The following REDIC1 variants were observed in gnomAD, a reference collection of about 807,000 sequenced individuals.
REDIC1 encodes the protein regulator of DNA class I crossover intermediates 1.
At chr12:39,856,930 A>G in the REDIC1 span, among the ~76,000 whole-genome samples, 3 of 152,186 alleles carry the variant, frequency 2.0e-5, no homozygotes, top group South Asian at 6.2e-4. Flanking sequence ...GGTCTTTATT[A>G]TAAGAAAATA....
the REDIC1 span, among the ~76,000 whole-genome samples, chr12:39,706,581 C>G: frequency 2.0e-5 from 3 of 151,874 alleles, no homozygotes; most frequent in East Asian, 1.9e-4. Flanking sequence ...GTAACCAAAA[C>G]AGCATGAGAA....
the REDIC1 span, among the ~76,000 whole-genome samples, chr12:39,880,997 G>A: frequency 6.6e-6 from 1 of 152,214 alleles, no homozygotes; most frequent in Admixed American, 6.5e-5. Flanking sequence ...TGAATTGTAT[G>A]TATAACAGGT....
chr12:39,646,587 A>G, the REDIC1 span: 1 of 876,680 alleles, frequency 1.1e-6, no homozygotes, highest in Non-Finnish European at 1.6e-6. Flanking sequence ...GGCTGTTAAC[A>G]GTATTATGCA....
chr12:39,669,934 T>C, the REDIC1 span, among the ~76,000 whole-genome samples: 1 of 152,166 alleles, frequency 6.6e-6, no homozygotes, highest in Non-Finnish European at 1.5e-5. Context: ...ACCCGATTTT[T>C]CAGGTGCCGT....
chr12:39,761,631 CAA>C, the REDIC1 span, among the ~76,000 whole-genome samples: 9 of 150,414 alleles, frequency 6.0e-5, no homozygotes, highest in Admixed American at 4.0e-4. Context: ...GGAATTTTGA[CAA>C]AAAAAAAATG....
At chr12:39,831,056 C>T in the REDIC1 span, among the ~76,000 whole-genome samples, 1 of 152,128 alleles carries the variant, frequency 6.6e-6, no homozygotes, top group African/African-American at 2.4e-5. Context: ...CCCTGTCACA[C>T]AATCATTTGC....
the REDIC1 span, among the ~76,000 whole-genome samples, chr12:39,734,629 A>G: frequency 1.3e-5 from 2 of 152,298 alleles, no homozygotes; most frequent in Admixed American, 1.3e-4. Context: ...CTCCAGCACT[A>G]TTTGTTGAAA....
the REDIC1 span, among the ~76,000 whole-genome samples, chr12:39,770,555 G>C: frequency 1.3e-5 from 2 of 152,282 alleles, no homozygotes; most frequent in Admixed American, 6.5e-5. Flanking sequence ...GCATGGTCCT[G>C]TTTCCTGATC....
the REDIC1 span, among the ~76,000 whole-genome samples, chr12:39,694,474 C>A: frequency 6.6e-6 from 1 of 152,108 alleles, no homozygotes; most frequent in Non-Finnish European, 1.5e-5. Context: ...GCATTGAACT[C>A]AGCACTATCT....
chr12:39,656,498 G>C, the REDIC1 span, among the ~76,000 whole-genome samples: 1 of 152,112 alleles, frequency 6.6e-6, no homozygotes, highest in African/African-American at 2.4e-5. Flanking sequence ...AATTGATAAT[G>C]ATAATAAATG....
chr12:39,663,782 G>C, the REDIC1 span, among the ~76,000 whole-genome samples: 1 of 149,796 alleles, frequency 6.7e-6, no homozygotes, highest in Non-Finnish European at 1.5e-5. Flanking sequence ...CGTTATAGTA[G>C]ATATCATCCC....
chr12:39,646,793 AT>A, the REDIC1 span: 2 of 1,305,938 alleles, frequency 1.5e-6, no homozygotes, highest in Non-Finnish European at 2.2e-6. Context: ...AGGACAGTCG[AT>A]TTTATTTCAA....
the REDIC1 span, among the ~76,000 whole-genome samples, chr12:39,717,121 A>C: frequency 7.4e-6 from 1 of 135,086 alleles, no homozygotes; most frequent in East Asian, 2.0e-4. Context: ...CCTTATATAC[A>C]TACATATATA....
chr12:39,712,566 C>T, the REDIC1 span, among the ~76,000 whole-genome samples: 2 of 137,000 alleles, frequency 1.5e-5, no homozygotes, highest in African/African-American at 2.6e-5. Flanking sequence ...TGTGTATATA[C>T]GTATATACGT....
At chr12:39,836,592 ATTG>A in the REDIC1 span, among the ~76,000 whole-genome samples, 2 of 149,294 alleles carry the variant, frequency 1.3e-5, no homozygotes, top group Non-Finnish European at 3.0e-5. Context: ...AGAAAACCCC[ATTG>A]TCTCAGCCCA....
the REDIC1 span, among the ~76,000 whole-genome samples, chr12:39,665,426 T>G: frequency 6.6e-6 from 1 of 151,546 alleles, no homozygotes; most frequent in East Asian, 1.9e-4. Context: ...TGTTCCATTG[T>G]TCTATATCTC....
At chr12:39,737,834 T>C in the REDIC1 span, among the ~76,000 whole-genome samples, 4 of 152,202 alleles carry the variant, frequency 2.6e-5, no homozygotes, top group Non-Finnish European at 5.9e-5. Flanking sequence ...TATTTGGCCA[T>C]TGCTTCTCCA....
the REDIC1 span, among the ~76,000 whole-genome samples, chr12:39,760,888 G>A: frequency 7.2e-6 from 1 of 139,284 alleles, no homozygotes; most frequent in Admixed American, 7.5e-5. Context: ...ACATTTCCAA[G>A]ATGGACTTTT....
At chr12:39,890,192 A>G in the REDIC1 span, among the ~76,000 whole-genome samples, 17 of 152,308 alleles carry the variant, frequency 1.1e-4, no homozygotes, top group Non-Finnish European at 2.4e-4. Flanking sequence ...AATAAAAAGA[A>G]TATTATTCTC....
Sources: gnomAD v4.1 joint callset for allele counts (sites outside exome capture counted in the v4.1 genomes callset) on GRCh38, gnomAD v4.1.1 for gene constraint, MANE v1.5 for transcripts, NCBI Gene and HGNC (gene_info 2026-07-23, HGNC 2026-07-21) for gene names.